LRRC4C: variants seen among roughly 807,000 people sequenced by gnomAD.
The protein encoded by LRRC4C is leucine rich repeat containing 4C, also known as leucine-rich repeat-containing protein 4C.
In LRRC4C, 5 loss-of-function variants were observed where a neutral mutation model predicts 33.6. The ratio of observed to expected loss-of-function variants is 0.15; its 90% CI spans 0.08 to 0.31. The LOEUF (loss-of-function observed/expected upper bound fraction) is 0.31. Ranked by LOEUF, LRRC4C falls within the 10% of genes least tolerant of loss-of-function variation. The probability of loss-of-function intolerance (pLI) is 1.00; values close to 1 mark genes in which losing one functional copy is unlikely to be tolerated. For synonymous variants in LRRC4C, 329 were observed against 302.0 expected, an observed-to-expected ratio of 1.09 and a Z score of -0.93; for missense variants, 560 against 796.7, an observed-to-expected ratio of 0.70 and a Z score of 3.58.
intron 3 of LRRC4C, among the ~76,000 whole-genome samples, chr11:40,561,633 C>T (rs1591111466): frequency 1.3e-5 from 2 of 151,612 alleles, no homozygotes; most frequent in East Asian, 2.0e-4. Context: ...AGGATGGTCT[C>T]GATCTCCTGA....
At chr11:41,448,783 A>G (rs1437349188) in intron 1 of LRRC4C, among the ~76,000 whole-genome samples, 2 of 152,196 alleles carry the variant, frequency 1.3e-5, no homozygotes, top group African/African-American at 4.8e-5. Context: ...AATTTTGGCC[A>G]TTTATTTAAC....
chr11:40,977,040 A>G (rs1395689911), intron 1 of LRRC4C, among the ~76,000 whole-genome samples: 1 of 152,024 alleles, frequency 6.6e-6, no homozygotes, highest in Non-Finnish European at 1.5e-5. Context: ...CTGATGGGAG[A>G]CAGTGACAGG....
chr11:41,199,514 A>G (rs750728124), intron 1 of LRRC4C, among the ~76,000 whole-genome samples: 2 of 152,156 alleles, frequency 1.3e-5, no homozygotes, highest in Non-Finnish European at 2.9e-5. Context: ...ACAAAAATGT[A>G]TAGGATTTTG....
chr11:40,555,963 CA>C (rs1957318028), intron 3 of LRRC4C, among the ~76,000 whole-genome samples: 2 of 152,018 alleles, frequency 1.3e-5, no homozygotes, highest in Middle Eastern at 3.2e-3. Context: ...AAAATTATTT[CA>C]GAACCAAGGA....
chr11:40,485,265 ACG>A (rs61541799), intron 3 of LRRC4C, among the ~76,000 whole-genome samples: 1 of 150,912 alleles, frequency 6.6e-6, no homozygotes, highest in South Asian at 2.1e-4. Context: ...ACACACACAC[ACG>A]TATTTGCCAT....
chr11:40,894,723 C>A (rs1955862340), intron 2 of LRRC4C, among the ~76,000 whole-genome samples: 1 of 152,074 alleles, frequency 6.6e-6, no homozygotes. Context: ...ACAGTTTCTG[C>A]CAATGGATAT....
intron 3 of LRRC4C, among the ~76,000 whole-genome samples, chr11:40,393,395 A>G (rs1361688346): frequency 6.6e-6 from 1 of 152,154 alleles, no homozygotes; most frequent in Non-Finnish European, 1.5e-5. Context: ...AGAGACCCTG[A>G]AGATTTATGA....
intron 1 of LRRC4C, among the ~76,000 whole-genome samples, chr11:41,041,554 A>G (rs1241034044): frequency 6.6e-6 from 1 of 152,174 alleles, no homozygotes; most frequent in Non-Finnish European, 1.5e-5. Context: ...TATTACATAC[A>G]TTATGTCACA....
At chr11:40,138,538 C>A (rs1186614794) in intron 6 of LRRC4C, among the ~76,000 whole-genome samples, 1 of 152,150 alleles carries the variant, frequency 6.6e-6, no homozygotes, top group Non-Finnish European at 1.5e-5. Flanking sequence ...TTTGAGCAAC[C>A]AAGACAAAGC....
chr11:40,614,707 C>T (rs1205521568), intron 3 of LRRC4C, among the ~76,000 whole-genome samples: 1 of 151,600 alleles, frequency 6.6e-6, no homozygotes, highest in Non-Finnish European at 1.5e-5. Context: ...TGAGTCTTCC[C>T]TTCATTTGAA....
At chr11:40,497,981 A>G (rs1421808169) in intron 3 of LRRC4C, among the ~76,000 whole-genome samples, 1 of 152,180 alleles carries the variant, frequency 6.6e-6, no homozygotes, top group East Asian at 1.9e-4. Context: ...ACCTTTAATG[A>G]AATTGTACTA....
At chr11:41,208,375 A>G (rs912199976) in intron 1 of LRRC4C, among the ~76,000 whole-genome samples, 6 of 152,220 alleles carry the variant, frequency 3.9e-5, no homozygotes, top group African/African-American at 1.4e-4. Context: ...TTTAGCAAAA[A>G]GAAAACAGGA....
Position 41,044,865 on chromosome 11 carries a change from C to A in LRRC4C, c.-495-111142G>T, listed in dbSNP as rs997471204. Among the ~76,000 whole-genome samples, 3 of 152,100 alleles carry A rather than the reference C, an allele frequency of 2.0e-5. 1 individual carries two copies. The highest frequency in any genetic ancestry group is 4.1e-4 in the South Asian group (2 of 4,824). ...CCAAGTCTCCTCTAAAATATCCTCACTGTAGTTCAATCAGAAAAGCCATGG... is the reference window on the plus strand; with the variant it reads ...CCAAGTCTCCTCTAAAATATCCTCAATGTAGTTCAATCAGAAAAGCCATGG... On this transcript the variant is annotated intron_variant, in intron 1 of 6. Coordinates refer to ENST00000528697, the MANE Select transcript of LRRC4C (RefSeq NM_001258419.2).
At chr11:41,039,307 T>C (rs186811120) in intron 1 of LRRC4C, among the ~76,000 whole-genome samples, 172 of 152,314 alleles carry the variant, frequency 1.1e-3, no homozygotes, top group Non-Finnish European at 1.5e-3. Flanking sequence ...TTATTATGTG[T>C]TTTCCCCACA....
rs181040070 is a variant in LRRC4C, at chr11:40,302,433, A to T, written c.-176+17195T>A. Reference sequence around the variant, plus strand: ...AGGCCACAGGGATTTTTCACTGCTCATACTGTCAATTGTGTTTCTTTGACC... The same window carrying T: ...AGGCCACAGGGATTTTTCACTGCTCTTACTGTCAATTGTGTTTCTTTGACC... On this transcript the variant is annotated intron_variant, in intron 4 of 6. Coordinates refer to ENST00000528697, the MANE Select transcript of LRRC4C (RefSeq NM_001258419.2). 7.6e-4 allele frequency among the ~76,000 whole-genome samples: 116 copies of T among 152,272 alleles called. 1 individual carries two copies. The highest frequency in any genetic ancestry group is 2.7e-3 in the African/African-American group (112 of 41,560).
chr11:40,687,678 T>C (rs1565636173), intron 2 of LRRC4C, among the ~76,000 whole-genome samples: 1 of 152,120 alleles, frequency 6.6e-6, no homozygotes, highest in Non-Finnish European at 1.5e-5. Context: ...TCTTTCTTGC[T>C]ATGATTGATG....
At chr11:41,063,324 G>A (rs1432229486) in intron 1 of LRRC4C, among the ~76,000 whole-genome samples, 1 of 152,154 alleles carries the variant, frequency 6.6e-6, no homozygotes, top group Admixed American at 6.5e-5. Flanking sequence ...TGCCCTAGTT[G>A]AGCTAAAAAT....
chr11:40,838,108 A>T (rs1298618009), intron 2 of LRRC4C, among the ~76,000 whole-genome samples: 1 of 152,150 alleles, frequency 6.6e-6, no homozygotes, highest in Non-Finnish European at 1.5e-5. Context: ...GGTATTTTTA[A>T]TGTAACTTTT....
At chr11:40,677,341 G>A (rs181339192) in intron 2 of LRRC4C, among the ~76,000 whole-genome samples, 8 of 152,118 alleles carry the variant, frequency 5.3e-5, no homozygotes, top group East Asian at 1.9e-4. Context: ...ACCCAAAATC[G>A]CACCACAGCA....
Sources: gnomAD v4.1 joint callset for allele counts (sites outside exome capture counted in the v4.1 genomes callset) on GRCh38, gnomAD v4.1.1 for gene constraint, MANE v1.5 for transcripts, NCBI Gene and HGNC (gene_info 2026-07-23, HGNC 2026-07-21) for gene names.